Variants in GRIK4 observed in about 807,000 individuals in gnomAD.
GRIK4 encodes the protein glutamate receptor ionotropic, kainate 4.
Under a neutral mutation model 104.9 loss-of-function variants are expected in GRIK4, and 40 were observed. The ratio of observed to expected loss-of-function variants is 0.38; its 90% confidence interval spans 0.30 to 0.50. GRIK4 has a LOEUF of 0.50. Ranked by LOEUF, GRIK4 falls within the 20% of genes least tolerant of loss-of-function variation. The pLI is 0.93. For missense variants in GRIK4, 1,047 were observed against 1,308.1 expected (o/e 0.80, Z 3.08); for synonymous variants, 485 against 524.9 (o/e 0.92, Z 1.04).
intron 3 of GRIK4, among the ~76,000 whole-genome samples, chr11:120,762,841 A>G (rs1012952000): frequency 6.6e-6 from 1 of 152,178 alleles, no homozygotes; most frequent in African/African-American, 2.4e-5. Flanking sequence ...TTGGTTCGTT[A>G]GTATTTTATT....
intron 3 of GRIK4, among the ~76,000 whole-genome samples, chr11:120,688,680 TG>T (rs1478892252): frequency 6.6e-6 from 1 of 152,204 alleles, no homozygotes; most frequent in Admixed American, 6.5e-5. Context: ...TAATCCAATA[TG>T]GAGATCTGCA....
At chr11:120,594,490 T>C (rs1427265566) in intron 1 of GRIK4, among the ~76,000 whole-genome samples, 1 of 151,946 alleles carries the variant, frequency 6.6e-6, no homozygotes, top group Non-Finnish European at 1.5e-5. Context: ...AAATAAATAA[T>C]AAATAAATAA....
rs7943871 is a variant in GRIK4, at chr11:120,607,325, C to T, written c.-158-46360C>T. ...GCGATCATGGGAATCAGCAATGGCA[C>T]AGTGAGGCAGGGAGGGGCACCTGTG... On this transcript the variant is annotated intron_variant, in intron 1 of 20. Coordinates refer to ENST00000527524, the MANE Select transcript of GRIK4 (RefSeq NM_014619.5). Among the ~76,000 whole-genome samples the T allele has an allele frequency of 3.8e-3, 580 of 152,268 alleles. 6 individuals are homozygous for T. The highest frequency in any genetic ancestry group is 0.013 in the African/African-American group (544 of 41,556).
At position 120,964,829 on chromosome 11, in the gene GRIK4, A is replaced by G. The variant is rs979259785; in HGVS notation, c.2266+2148A>G. Among the ~76,000 whole-genome samples, 3 of 152,354 alleles carry G rather than the reference A, an allele frequency of 2.0e-5. No individual in the cohort carries two copies. The East Asian group carries it at 5.8e-4, about 29-fold the overall frequency. ...AGAGGACAGAACTCAGATTCAGAGC[A>G]GATAGATTACTTGTCCAAGGTCACA... On this transcript the variant is annotated intron_variant, in intron 18 of 20. Coordinates refer to ENST00000527524, the MANE Select transcript of GRIK4 (RefSeq NM_014619.5).
chr11:120,583,847 A>G (rs532078300), intron 1 of GRIK4, among the ~76,000 whole-genome samples: 3 of 152,318 alleles, frequency 2.0e-5, no homozygotes, highest in African/African-American at 4.8e-5. Flanking sequence ...ATTCATGAAC[A>G]TGGAATGTTT....
chr11:120,938,640 G>A (rs1457821864), intron 13 of GRIK4, among the ~76,000 whole-genome samples: 2 of 152,200 alleles, frequency 1.3e-5, no homozygotes, highest in African/African-American at 4.8e-5. Flanking sequence ...GTGTTTGTAC[G>A]TAGTCATTCA....
chr11:120,922,391 A>T (rs914328356), intron 13 of GRIK4, among the ~76,000 whole-genome samples: 3 of 151,908 alleles, frequency 2.0e-5, no homozygotes, highest in African/African-American at 7.3e-5. Context: ...TACCTCAGTC[A>T]CCCCATCCTG....
chr11:120,833,378 T>A (rs530792739), intron 7 of GRIK4, among the ~76,000 whole-genome samples: 8 of 152,274 alleles, frequency 5.3e-5, no homozygotes, highest in African/African-American at 1.9e-4. Context: ...GGAGCCATGA[T>A]CAATGAAGTC....
intron 1 of GRIK4, among the ~76,000 whole-genome samples, chr11:120,596,516 G>T (rs2135121623): frequency 6.6e-6 from 1 of 152,300 alleles, no homozygotes; most frequent in Non-Finnish European, 1.5e-5. Context: ...TATTTCCAAA[G>T]GGGAAGGATG....
At chr11:120,755,036 G>A (rs1951628954) in intron 3 of GRIK4, among the ~76,000 whole-genome samples, 1 of 152,218 alleles carries the variant, frequency 6.6e-6, no homozygotes, top group South Asian at 2.1e-4. Context: ...TGCAAACGAT[G>A]TCAGTGTTAA....
intron 3 of GRIK4, among the ~76,000 whole-genome samples, chr11:120,741,317 C>T (rs1951330500): frequency 7.7e-6 from 1 of 130,152 alleles, no homozygotes; most frequent in Non-Finnish European, 1.6e-5. Context: ...GTCTCACTGT[C>T]ACCCAGGCTG....
intron 1 of GRIK4, 88 bp downstream of exon 1, chr11:120,511,975 G>T (rs1254142045): frequency 1.4e-5 from 1 of 73,852 alleles, no homozygotes; most frequent in Admixed American, 1.7e-4. Context: ...GGCCCTTCCC[G>T]CACCCCGACT....
chr11:120,696,821 T>G (rs556997378), intron 3 of GRIK4, among the ~76,000 whole-genome samples: 1 of 152,188 alleles, frequency 6.6e-6, no homozygotes, highest in Admixed American at 6.5e-5. Flanking sequence ...GCTCTGCTCT[T>G]TGCACCCTCC....
rs538113285 is a variant in GRIK4 at position 120,511,839 on chromosome 11, C to A, written c.-207C>A. The A allele has an allele frequency of 5.7e-6, 2 of 352,916 alleles. No homozygotes were observed. The highest frequency in any genetic ancestry group is 1.9e-5 in the South Asian group (1 of 52,766). The allele number at this position is 352,916 out of a possible 1,614,324, so 21.9% of individuals were successfully genotyped here. On this transcript the variant is annotated 5_prime_UTR_variant, in exon 1 of 21. Coordinates refer to ENST00000527524, the MANE Select transcript of GRIK4 (RefSeq NM_014619.5). ...GCCAACAGCAGCCCCGCGGCCGGCCCGGCAGCGCCCGGCCCCCGGCTCAGC... is the reference window on the plus strand; with the variant it reads ...GCCAACAGCAGCCCCGCGGCCGGCCAGGCAGCGCCCGGCCCCCGGCTCAGC...
chr11:120,838,237 G>A (rs570842536), intron 8 of GRIK4, among the ~76,000 whole-genome samples: 4 of 152,180 alleles, frequency 2.6e-5, no homozygotes, highest in Non-Finnish European at 5.9e-5. Flanking sequence ...TATGCTCACT[G>A]TGAGCCTTTG....
At chr11:120,856,034 G>T (rs1394418959) in intron 8 of GRIK4, among the ~76,000 whole-genome samples, 8 of 152,250 alleles carry the variant, frequency 5.3e-5, no homozygotes, top group Non-Finnish European at 7.3e-5. Flanking sequence ...TTGGGGCAGT[G>T]CACCCACTTT....
chr11:120,974,636 C>T (rs372883543), intron 19 of GRIK4, among the ~76,000 whole-genome samples: 2 of 152,346 alleles, frequency 1.3e-5, no homozygotes, highest in African/African-American at 4.8e-5. Flanking sequence ...AGAATCCTAA[C>T]GATGTGGTGA....
At chr11:120,704,417 A>C (rs748119683) in intron 3 of GRIK4, among the ~76,000 whole-genome samples, 1 of 152,224 alleles carries the variant, frequency 6.6e-6, no homozygotes, top group Non-Finnish European at 1.5e-5. Context: ...TGAATGAGAC[A>C]TGACCCAGGG....
chr11:120,598,882 C>T (rs1316586567), intron 1 of GRIK4, among the ~76,000 whole-genome samples: 10 of 152,198 alleles, frequency 6.6e-5, no homozygotes, highest in African/African-American at 2.2e-4. Context: ...TGTTAATGTC[C>T]GGTTGGCCAA....
Sources: gnomAD v4.1 joint callset for allele counts (sites outside exome capture counted in the v4.1 genomes callset) on GRCh38, gnomAD v4.1.1 for gene constraint, MANE v1.5 for transcripts, NCBI Gene and HGNC (gene_info 2026-07-23, HGNC 2026-07-21) for gene names.